Variants in GRID2 observed in about 807,000 individuals in gnomAD.
GRID2 encodes glutamate receptor ionotropic, delta-2.
Under a neutral mutation model 114.8 loss-of-function variants are expected in GRID2, and 33 were observed. The ratio of observed to expected loss-of-function variants is 0.29; its 90% CI spans 0.22 to 0.38. The LOEUF (loss-of-function observed/expected upper bound fraction) is 0.38, where lower values mean the gene tolerates loss of function less well. Among genes scored for constraint, GRID2 ranks in the 10% least tolerant of loss-of-function variants. The probability of loss-of-function intolerance (pLI) is 1.00; values close to 1 mark genes in which losing one functional copy is unlikely to be tolerated. For synonymous variants in GRID2, 505 were observed against 449.9 expected (o/e 1.12, Z -1.55); for missense variants, 1,184 against 1,257.7 (o/e 0.94, Z 0.89).
intron 1 of GRID2, among the ~76,000 whole-genome samples, chr4:93,791,794 TG>T (rs1734700214): frequency 6.6e-6 from 1 of 151,860 alleles, no homozygotes; most frequent in Non-Finnish European, 1.5e-5. Context: ...ATGGTGGCGC[TG>T]TGGTATCATT....
chr4:93,194,574 C>A (rs539133844), intron 4 of GRID2, among the ~76,000 whole-genome samples: 1 of 152,214 alleles, frequency 6.6e-6, no homozygotes, highest in African/African-American at 2.4e-5. Flanking sequence ...TGTAGCCAGT[C>A]TGAAAGCTCA....
chr4:93,721,038 T>A (rs1045265465), intron 14 of GRID2, among the ~76,000 whole-genome samples: 8 of 152,188 alleles, frequency 5.3e-5, no homozygotes, highest in African/African-American at 1.9e-4. Flanking sequence ...TCCCCATTTT[T>A]AAAAATTCAG....
At chr4:93,698,790 C>G (rs1171953140) in intron 14 of GRID2, among the ~76,000 whole-genome samples, 3 of 152,002 alleles carry the variant, frequency 2.0e-5, no homozygotes, top group Non-Finnish European at 2.9e-5. Flanking sequence ...TAATTTTCCA[C>G]TAAAAGAATC....
intron 2 of GRID2, among the ~76,000 whole-genome samples, chr4:92,859,929 C>T (rs1053128917): frequency 6.6e-6 from 1 of 152,118 alleles, no homozygotes. Flanking sequence ...ATGCCATTAG[C>T]ACCCCTCTAG....
At chr4:92,972,258 T>A (rs1753571348) in intron 2 of GRID2, among the ~76,000 whole-genome samples, 1 of 151,904 alleles carries the variant, frequency 6.6e-6, no homozygotes, top group Non-Finnish European at 1.5e-5. Flanking sequence ...TGAGATGATA[T>A]CTCATTATGG....
intron 14 of GRID2, among the ~76,000 whole-genome samples, chr4:93,726,209 C>G (rs1729872059): frequency 6.6e-6 from 1 of 152,176 alleles, no homozygotes; most frequent in Non-Finnish European, 1.5e-5. Context: ...ATATGGCTAG[C>G]CAGTTTTCCC....
At chr4:92,880,675 C>A (rs1037176213) in intron 2 of GRID2, among the ~76,000 whole-genome samples, 3 of 151,988 alleles carry the variant, frequency 2.0e-5, no homozygotes, top group African/African-American at 7.3e-5. Context: ...TTCAAAAAAA[C>A]AAAAACAAAT....
chr4:93,151,455 C>A (rs999990588), intron 4 of GRID2, among the ~76,000 whole-genome samples: 7 of 151,982 alleles, frequency 4.6e-5, no homozygotes, highest in Non-Finnish European at 1.0e-4. Context: ...AAACTTCAAA[C>A]CAGCAATAAG....
At position 93,336,016 on chromosome 4, in the gene GRID2, T is replaced by A. The variant is rs1759051957; in HGVS notation, c.1246-59591T>A. Among the ~76,000 whole-genome samples, 4 of 152,310 alleles carry A rather than the reference T, an allele frequency of 2.6e-5. No homozygotes were observed. The South Asian group carries it at 8.3e-4, about 32-fold the overall frequency. ...TTTCTTATCAAAGTAATTTTTTCTC[T>A]AAAACATTTCAAAAATATAGACAAT... On this transcript the variant is annotated intron_variant, in intron 8 of 15. Coordinates refer to ENST00000282020, the MANE Select transcript of GRID2 (RefSeq NM_001510.4).
At chr4:92,469,399 G>A (rs1336180483) in intron 1 of GRID2, among the ~76,000 whole-genome samples, 4 of 152,038 alleles carry the variant, frequency 2.6e-5, no homozygotes, top group African/African-American at 9.7e-5. Context: ...AGCTCCTTAT[G>A]TAGAATGGTA....
chr4:92,817,087 T>G (rs1298795707), intron 2 of GRID2, among the ~76,000 whole-genome samples: 1 of 152,098 alleles, frequency 6.6e-6, no homozygotes. Context: ...GAGTCACCAT[T>G]AACCCTACAC....
chr4:93,587,290 A>G (rs1354730313), intron 13 of GRID2, among the ~76,000 whole-genome samples: 2 of 152,170 alleles, frequency 1.3e-5, no homozygotes, highest in Admixed American at 6.6e-5. Flanking sequence ...ATTAAAAAGT[A>G]TAATATAGGA....
At chr4:92,990,102 G>A (rs1188947057) in intron 2 of GRID2, among the ~76,000 whole-genome samples, 3 of 151,620 alleles carry the variant, frequency 2.0e-5, no homozygotes, top group Non-Finnish European at 4.4e-5. Flanking sequence ...AGTGGAAATA[G>A]GCTAAGTTCT....
At chr4:92,501,778 A>C (rs988635684) in intron 1 of GRID2, among the ~76,000 whole-genome samples, 1 of 152,172 alleles carries the variant, frequency 6.6e-6, no homozygotes, top group African/African-American at 2.4e-5. Flanking sequence ...AGTAGTGTTT[A>C]AAGTTTCTTC....
chr4:92,749,853 T>G (rs908505692), intron 2 of GRID2, among the ~76,000 whole-genome samples: 2 of 151,824 alleles, frequency 1.3e-5, no homozygotes, highest in Non-Finnish European at 2.9e-5. Context: ...CCTCACATTT[T>G]ATTGATTGAT....
chr4:92,628,604 C>T (rs1579716927), intron 2 of GRID2, among the ~76,000 whole-genome samples: 1 of 152,054 alleles, frequency 6.6e-6, no homozygotes, highest in East Asian at 1.9e-4. Flanking sequence ...GCGATCTGCC[C>T]GCCTCGGCCT....
rs778837420 is a variant in GRID2 at position 93,515,311 on chromosome 4, CT to C, written c.2097del (p.Phe699LeufsTer13). The C allele has an allele frequency of 6.2e-7, 1 of 1,611,028 alleles. No individual in the cohort carries two copies. Among genetic ancestry groups the C allele is most frequent in the Non-Finnish European group, 8.5e-7 (1 of 1,177,570 alleles). On this transcript the variant is annotated frameshift_variant, in exon 13 of 16. Transcript: ENST00000282020. LOFTEE classifies it high-confidence loss of function. ...YEHVRMKGLN[P>X]FERDSMYSQM... Reference sequence around the variant, plus strand: ...CATGTCCGCATGAAAGGACTGAATCCTTTTGAGAGGGACAGCATGTATTCCC... The same window carrying C: ...CATGTCCGCATGAAAGGACTGAATCCTTTGAGAGGGACAGCATGTATTCCC...
chr4:93,494,737 A>G (rs1435078973), intron 12 of GRID2, among the ~76,000 whole-genome samples: 2 of 151,752 alleles, frequency 1.3e-5, no homozygotes, highest in Non-Finnish European at 1.5e-5. Context: ...TCTAATGACA[A>G]TTTGGGCTTT....
intron 2 of GRID2, among the ~76,000 whole-genome samples, chr4:92,841,635 T>A (rs895402720): frequency 6.6e-6 from 1 of 152,140 alleles, no homozygotes; most frequent in Non-Finnish European, 1.5e-5. Flanking sequence ...AAGCTGCATT[T>A]AGATGCATGC....
Sources: gnomAD v4.1 joint callset for allele counts (sites outside exome capture counted in the v4.1 genomes callset) on GRCh38, gnomAD v4.1.1 for gene constraint, MANE v1.5 for transcripts, NCBI Gene and HGNC (gene_info 2026-07-23, HGNC 2026-07-21) for gene names.